Variants in IL23R observed in about 807,000 individuals in gnomAD.
The protein encoded by IL23R is interleukin-23 receptor.
Under a neutral mutation model 56.9 loss-of-function variants are expected in IL23R, and 34 were observed. The ratio of observed to expected loss-of-function variants is 0.60; its 90% confidence interval spans 0.45 to 0.80. IL23R has a LOEUF of 0.80. Ranked by LOEUF, IL23R falls within the 30% of genes least tolerant of loss-of-function variation. IL23R has a pLI of 0.00. For synonymous variants in IL23R, 230 were observed against 249.2 expected (o/e 0.92, Z 0.73); for missense variants, 635 against 730.0 (o/e 0.87, Z 1.50).
chr1:67,177,786 A>G (rs1229860012), intron 3 of IL23R, among the ~76,000 whole-genome samples: 1 of 151,022 alleles, frequency 6.6e-6, no homozygotes, highest in Non-Finnish European at 1.5e-5. Context: ...ATCTTGAGTT[A>G]ATTTTTGTAT....
At chr1:67,177,118 T>C (rs1326980664) in intron 3 of IL23R, among the ~76,000 whole-genome samples, 1 of 152,226 alleles carries the variant, frequency 6.6e-6, no homozygotes. Flanking sequence ...TTTATAATCC[T>C]TTGGGTATAT....
At chr1:67,154,562 T>C (rs1461296702) in intron 1 of IL23R, among the ~76,000 whole-genome samples, 1 of 152,106 alleles carries the variant, frequency 6.6e-6, no homozygotes, top group Non-Finnish European at 1.5e-5. Context: ...TCTGTTTTAT[T>C]AGAAACTAGG....
At chr1:67,199,876 A>T (rs1463620557) in intron 4 of IL23R, among the ~76,000 whole-genome samples, 1 of 152,170 alleles carries the variant, frequency 6.6e-6, no homozygotes, top group Non-Finnish European at 1.5e-5. Context: ...AAGCAGGCTT[A>T]AAAAGTTAGC....
intron 1 of IL23R, among the ~76,000 whole-genome samples, chr1:67,143,584 T>C (rs563011910): frequency 6.6e-6 from 1 of 152,320 alleles, no homozygotes; most frequent in Admixed American, 6.5e-5. Context: ...GCTGGAGTGC[T>C]TTTATTCAGC....
At chr1:67,247,346 C>T (rs988854092) in intron 9 of IL23R, among the ~76,000 whole-genome samples, 4 of 151,694 alleles carry the variant, frequency 2.6e-5, no homozygotes, top group African/African-American at 9.7e-5. Flanking sequence ...CTTTTGTTGC[C>T]CAGACTGGAG....
rs186844113 is a variant in IL23R at position 67,155,658 on chromosome 1, T to C, written c.-633-12434T>C. On this transcript the variant is annotated intron_variant, in intron 1 of 10. Coordinates refer to the IL23R transcript ENST00000637002. ...AGCTCCATCACATCATTTATGTTCC[T>C]CTCTAAACTGGTTATCCTAGTTAGC... Among the ~76,000 whole-genome samples, 343 of 152,312 alleles carry C rather than the reference T, an allele frequency of 2.3e-3. 1 individual carries two copies. The highest frequency in any genetic ancestry group is 3.6e-3 in the Non-Finnish European group (244 of 68,022).
At chr1:67,181,319 G>A (rs760574652) in intron 3 of IL23R, among the ~76,000 whole-genome samples, 2 of 152,118 alleles carry the variant, frequency 1.3e-5, no homozygotes, top group Non-Finnish European at 2.9e-5. Flanking sequence ...TTTCTTGGAG[G>A]CTTTGTTCAT....
upstream of IL23R, among the ~76,000 whole-genome samples, chr1:67,165,834 T>C (rs908661854): frequency 6.6e-6 from 1 of 152,062 alleles, no homozygotes; most frequent in African/African-American, 2.4e-5. Context: ...AGGAAGCTAT[T>C]GGTCGAAGGG....
At chr1:67,140,935 A>C (rs1646631590) in intron 1 of IL23R, among the ~76,000 whole-genome samples, 1 of 152,190 alleles carries the variant, frequency 6.6e-6, no homozygotes, top group Non-Finnish European at 1.5e-5. Context: ...AGTAAATGGC[A>C]GATTCAGAAT....
At chr1:67,178,082 G>A (rs544485048) in intron 3 of IL23R, among the ~76,000 whole-genome samples, 1 of 152,204 alleles carries the variant, frequency 6.6e-6, no homozygotes, top group African/African-American at 2.4e-5. Flanking sequence ...TTTGGCTTAG[G>A]ATTGACTTGG....
intron 9 of IL23R, among the ~76,000 whole-genome samples, chr1:67,247,349 G>T (rs1204303406): frequency 1.3e-5 from 2 of 150,588 alleles, no homozygotes; most frequent in Non-Finnish European, 2.9e-5. Context: ...TTGTTGCCCA[G>T]ACTGGAGTGC....
intron 5 of IL23R, among the ~76,000 whole-genome samples, chr1:67,201,718 T>C (rs1018655626): frequency 1.1e-4 from 16 of 152,156 alleles, no homozygotes; most frequent in African/African-American, 3.9e-4. Flanking sequence ...ACAAAATACA[T>C]AGAAAATTGC....
intron 4 of IL23R, among the ~76,000 whole-genome samples, chr1:67,188,509 T>C (rs1383340622): frequency 6.6e-6 from 1 of 152,204 alleles, no homozygotes; most frequent in South Asian, 2.1e-4. Flanking sequence ...ATGAGGATAA[T>C]TAATGCCACA....
In IL23R at chr1:67,227,953, T is replaced by A. The variant is rs1460651986; in HGVS notation, c.955+8223T>A. On this transcript the variant is annotated intron_variant, in intron 7 of 10. Coordinates refer to ENST00000347310, the MANE Select transcript of IL23R (RefSeq NM_144701.3). ...TACAGAACAAAGATCTTTCTTTCTTTCTTTCTTTCTTTCTTTCTTTCTTTC... is the reference window on the plus strand; with the variant it reads ...TACAGAACAAAGATCTTTCTTTCTTACTTTCTTTCTTTCTTTCTTTCTTTC... Among the ~76,000 whole-genome samples, 21 of 7,618 alleles carry A rather than the reference T, an allele frequency of 2.8e-3. 1 individual carries two copies. Among genetic ancestry groups the A allele is most frequent in the Non-Finnish European group, 8.1e-3 (18 of 2,210 alleles). The allele number at this position is 7,618 out of a possible 152,430, so 5.0% of individuals were successfully genotyped here. A position where few individuals can be genotyped will look rare whatever the true frequency, so the allele number is the denominator to read the frequency against.
intron 3 of IL23R, among the ~76,000 whole-genome samples, chr1:67,172,593 T>C (rs909447134): frequency 6.6e-6 from 1 of 152,190 alleles, no homozygotes; most frequent in South Asian, 2.1e-4. Context: ...CATTTAAAAA[T>C]ACCAAATTAA....
At chr1:67,245,657 G>A (rs113667253) in intron 9 of IL23R, among the ~76,000 whole-genome samples, 2 of 152,308 alleles carry the variant, frequency 1.3e-5, no homozygotes, top group African/African-American at 4.8e-5. Flanking sequence ...CAGGAATAAA[G>A]CCAGCTTGAT....
chr1:67,178,644 T>A (rs1647046112), intron 3 of IL23R, among the ~76,000 whole-genome samples: 1 of 152,206 alleles, frequency 6.6e-6, no homozygotes, highest in Non-Finnish European at 1.5e-5. Context: ...GGCCAGAACT[T>A]CCAACACTAT....
chr1:67,229,105 C>T (rs1450189624), intron 7 of IL23R, among the ~76,000 whole-genome samples: 1 of 152,232 alleles, frequency 6.6e-6, no homozygotes, highest in African/African-American at 2.4e-5. Context: ...CATTCTGGCA[C>T]TATCTGCCTA....
At chr1:67,175,160 T>A (rs1646991717) in intron 3 of IL23R, among the ~76,000 whole-genome samples, 1 of 151,966 alleles carries the variant, frequency 6.6e-6, no homozygotes, top group Admixed American at 6.6e-5. Flanking sequence ...GGATGTCAGT[T>A]CTCAAGAGGG....
Sources: allele counts gnomAD v4.1 joint callset (sites outside exome capture counted in the v4.1 genomes callset), GRCh38; gene constraint gnomAD v4.1.1; transcripts MANE v1.5; gene names NCBI Gene and HGNC (gene_info 2026-07-23, HGNC 2026-07-21).